Variants in DLG2 observed in about 807,000 individuals in gnomAD.
The protein encoded by DLG2 is disks large homolog 2.
In DLG2, 45 loss-of-function variants were observed where a neutral mutation model predicts 132.5. The observed-to-expected ratio is 0.34, with a 90% CI of 0.27 to 0.44. The LOEUF is 0.44. Among genes scored for constraint, DLG2 ranks in the 20% least tolerant of loss-of-function variants. The pLI is 1.00. For synonymous variants in DLG2, 424 were observed against 419.6 expected, an observed-to-expected ratio of 1.01 and a Z score of -0.13; for missense variants, 1,045 against 1,196.9, an observed-to-expected ratio of 0.87 and a Z score of 1.87.
At chr11:83,651,263 G>C (rs2070298431) in intron 18 of DLG2, among the ~76,000 whole-genome samples, 1 of 152,112 alleles carries the variant, frequency 6.6e-6, no homozygotes, top group South Asian at 2.1e-4. Context: ...CAGAGAGTAA[G>C]TACATACCTA....
rs539530744 is a variant in DLG2 at position 84,337,934 on chromosome 11, A to G, written c.520-86643T>C. On this transcript the variant is annotated intron_variant, in intron 7 of 27. Coordinates refer to ENST00000376104, the MANE Select transcript of DLG2 (RefSeq NM_001142699.3). The stretch of plus-strand genomic sequence containing the variant: ...GAGAGCTGGCAATTTAACAAAACCA[A>G]TATGGCAGCTTGTCATGGATGGAAG... Among the ~76,000 whole-genome samples the G allele has an allele frequency of 5.3e-5, 8 of 152,330 alleles. No individual in the cohort carries two copies. The South Asian group carries it at 6.2e-4, about 12-fold the overall frequency.
chr11:84,502,200 CTCCTTCCTTCCTTCCTTCCTTCCTTCCT>C lies in DLG2; in HGVS notation c.519+32342_519+32369del, dbSNP rs1218812487. Among the ~76,000 whole-genome samples the C allele has an allele frequency of 8.6e-3, 85 of 9,828 alleles. 6 individuals carry two copies. Among genetic ancestry groups the C allele is most frequent in the Admixed American group, 0.017 (27 of 1,574 alleles). The allele number at this position is 9,828 out of a possible 152,430, so 6.4% of individuals were successfully genotyped here. A position where few individuals can be genotyped will look rare whatever the true frequency, so the allele number is the denominator to read the frequency against. On this transcript the variant is annotated intron_variant, in intron 7 of 27. Transcript: ENST00000376104. ...TTTCTCTCTCTTTCTCTCTCTCTCTCTCCTTCCTTCCTTCCTTCCTTCCTTCCTTCCTTCCTTCCTTCCTTCCTTCCTT... is the reference window on the plus strand; with the variant it reads ...TTTCTCTCTCTTTCTCTCTCTCTCTCTCCTTCCTTCCTTCCTTCCTTCCTT...
chr11:85,286,580 G>C (rs2078572171), intron 3 of DLG2, among the ~76,000 whole-genome samples: 1 of 151,996 alleles, frequency 6.6e-6, no homozygotes, highest in East Asian at 1.9e-4. Context: ...TAGCAATGAG[G>C]GTGTCTATAT....
At chr11:85,045,086 C>G (rs1243143832) in intron 6 of DLG2, among the ~76,000 whole-genome samples, 1 of 152,002 alleles carries the variant, frequency 6.6e-6, no homozygotes, top group Non-Finnish European at 1.5e-5. Context: ...CCCACCTGCA[C>G]CCTTCTTCCT....
chr11:84,100,745 T>C (rs2092450606), intron 9 of DLG2, among the ~76,000 whole-genome samples: 1 of 152,068 alleles, frequency 6.6e-6, no homozygotes, highest in Non-Finnish European at 1.5e-5. Flanking sequence ...TCAGAAAAAG[T>C]AATTAGGGTG....
At chr11:83,472,867 G>T in intron 22 of DLG2, 90 bp from the exon 23 acceptor site, 2 of 1,082,276 alleles carry the variant, frequency 1.8e-6, no homozygotes, top group Non-Finnish European at 2.8e-6. Context: ...AACAGACACA[G>T]CTCAGAGTTA....
At chr11:83,468,806 C>T (rs1227529988) in intron 25 of DLG2, among the ~76,000 whole-genome samples, 1 of 152,138 alleles carries the variant, frequency 6.6e-6, no homozygotes, top group Non-Finnish European at 1.5e-5. Flanking sequence ...TCTCATCTAT[C>T]TTCTCTTCTA....
At chr11:83,499,850 GAGAT>G (rs1184501133) in intron 21 of DLG2, among the ~76,000 whole-genome samples, 3,738 of 58,564 alleles carry the variant, frequency 0.064, 256 homozygotes, top group South Asian at 0.072. Flanking sequence ...CCACTAATAG[GAGAT>G]ATATATATAT....
At chr11:83,839,217 G>A (rs2056983943) in intron 16 of DLG2, among the ~76,000 whole-genome samples, 1 of 151,842 alleles carries the variant, frequency 6.6e-6, no homozygotes, top group African/African-American at 2.4e-5. Context: ...TATATTATTT[G>A]GAATTTTTGA....
intron 6 of DLG2, among the ~76,000 whole-genome samples, chr11:84,786,986 G>C (rs1217429393): frequency 6.6e-6 from 1 of 152,110 alleles, no homozygotes; most frequent in Non-Finnish European, 1.5e-5. Context: ...TAAAAATTCA[G>C]ATCTAATCTA....
chr11:84,822,741 T>C (rs1388292920), intron 6 of DLG2, among the ~76,000 whole-genome samples: 1 of 151,926 alleles, frequency 6.6e-6, no homozygotes, highest in African/African-American at 2.4e-5. Flanking sequence ...ATGTCTACAC[T>C]TTTCAGAAAT....
At chr11:84,367,562 C>G (rs142087475) in intron 7 of DLG2, among the ~76,000 whole-genome samples, 1 of 152,090 alleles carries the variant, frequency 6.6e-6, no homozygotes, top group African/African-American at 2.4e-5. Flanking sequence ...AGAGCTGAGG[C>G]CTTTGAGAGA....
intron 6 of DLG2, among the ~76,000 whole-genome samples, chr11:84,857,784 A>T (rs541642073): frequency 6.6e-6 from 1 of 152,182 alleles, no homozygotes; most frequent in Non-Finnish European, 1.5e-5. Flanking sequence ...AGGAACCAAG[A>T]TCTTTGGCCT....
chr11:85,021,263 G>T, intron 6 of DLG2: 3 of 1,300,288 alleles, frequency 2.3e-6, no homozygotes, highest in South Asian at 2.4e-5. Context: ...GGAGGAGGAG[G>T]TACACGTGCT....
intron 6 of DLG2, among the ~76,000 whole-genome samples, chr11:84,851,990 G>A (rs1235276370): frequency 6.6e-6 from 1 of 151,938 alleles, no homozygotes; most frequent in Non-Finnish European, 1.5e-5. Flanking sequence ...AAGGTGGTAA[G>A]TAAATGATTT....
chr11:83,641,931 T>C (rs1255055319), intron 18 of DLG2, among the ~76,000 whole-genome samples: 1 of 149,788 alleles, frequency 6.7e-6, no homozygotes, highest in Admixed American at 6.7e-5. Flanking sequence ...GAGAGAGACA[T>C]AGAAAAAGAG....
chr11:83,508,213 A>T (rs944519408), intron 21 of DLG2, among the ~76,000 whole-genome samples: 2 of 151,704 alleles, frequency 1.3e-5, no homozygotes, highest in Non-Finnish European at 2.9e-5. Flanking sequence ...TGATAACTCA[A>T]ATTGTGTCTT....
chr11:85,169,932 A>T (rs1454917330), intron 4 of DLG2, among the ~76,000 whole-genome samples: 2 of 152,176 alleles, frequency 1.3e-5, no homozygotes, highest in African/African-American at 4.8e-5. Flanking sequence ...TCTAAGCCCC[A>T]ACATAAGAAA....
chr11:84,264,743 A>G (rs984576806), intron 7 of DLG2, among the ~76,000 whole-genome samples: 1 of 152,302 alleles, frequency 6.6e-6, no homozygotes, highest in South Asian at 2.1e-4. Flanking sequence ...TAACTTCCTT[A>G]TGAATATATT....
Sources: gnomAD v4.1 joint callset for allele counts (sites outside exome capture counted in the v4.1 genomes callset) on GRCh38, gnomAD v4.1.1 for gene constraint, MANE v1.5 for transcripts, NCBI Gene and HGNC (gene_info 2026-07-23, HGNC 2026-07-21) for gene names.